Variants in IGDCC3 observed in about 807,000 individuals in gnomAD.
IGDCC3 encodes the protein immunoglobulin superfamily DCC subclass member 3.
A neutral mutation model predicts 72.0 loss-of-function variants in IGDCC3; 47 were observed. The ratio of observed to expected loss-of-function variants is 0.65; its 90% CI spans 0.52 to 0.83. The LOEUF (loss-of-function observed/expected upper bound fraction) is 0.83, where lower values mean the gene tolerates loss of function less well. IGDCC3 is among the 40% of genes least tolerant of loss of function. The pLI is 0.00. For missense variants in IGDCC3, 1,038 were observed against 1,091.3 expected (o/e 0.95, Z 0.69); for synonymous variants, 477 against 472.8 (o/e 1.01, Z -0.11).
chr15:65,355,297 C>T (rs2091207862), intron 2 of IGDCC3, among the ~76,000 whole-genome samples: 1 of 152,182 alleles, frequency 6.6e-6, no homozygotes. Context: ...CTCCACTCCT[C>T]GGAGGTCAGC....
intron 2 of IGDCC3, among the ~76,000 whole-genome samples, chr15:65,352,863 C>G (rs1238977528): frequency 6.6e-6 from 1 of 152,168 alleles, no homozygotes; most frequent in Non-Finnish European, 1.5e-5. Flanking sequence ...CTATGGTACA[C>G]TTATTGTTAA....
intron 2 of IGDCC3, among the ~76,000 whole-genome samples, chr15:65,370,616 ATGTG>A (rs56053228): frequency 6.9e-4 from 75 of 108,054 alleles, no homozygotes; most frequent in African/African-American, 2.9e-3. Flanking sequence ...ATATATATGT[ATGTG>A]TATATATATA....
Position 65,377,637 on chromosome 15 carries a change from T to C in IGDCC3, c.103+49A>G. The C allele has an allele frequency of 1.5e-6, 2 of 1,371,266 alleles. No individual in the cohort carries two copies. Among genetic ancestry groups the C allele is most frequent in the Admixed American group, 2.9e-5 (1 of 34,856 alleles). The allele number at this position is 1,371,266 out of a possible 1,614,324, so 84.9% of individuals were successfully genotyped here. A position where few individuals can be genotyped will look rare whatever the true frequency, so the allele number is the denominator to read the frequency against. ...GCGCCCGCTCCCTCCCTGCTCGCCC[T>C]TCCCCTGGCTCCGTCCGCAACCGCC... On this transcript the variant is annotated intron_variant, in intron 1 of 13. Coordinates refer to ENST00000327987, the MANE Select transcript of IGDCC3 (RefSeq NM_004884.4). This position sits in a 1 kb window ranked among gnomAD's most constrained non-coding sequence, Gnocchi z 4.9.
chr15:65,352,272 T>C (rs2091179556), intron 2 of IGDCC3, among the ~76,000 whole-genome samples: 1 of 152,246 alleles, frequency 6.6e-6, no homozygotes, highest in Non-Finnish European at 1.5e-5. Flanking sequence ...TGTTTCTTTC[T>C]ACCTGATTTC....
intron 2 of IGDCC3, among the ~76,000 whole-genome samples, chr15:65,374,688 T>A (rs1446233380): frequency 6.6e-6 from 1 of 152,232 alleles, no homozygotes; most frequent in African/African-American, 2.4e-5. Context: ...AAAAATTGCA[T>A]GTAGCCGAAA....
In IGDCC3 at chr15:65,328,912, C is replaced by G. The variant is rs1232930367; in HGVS notation, c.2442G>C (p.Gln814His). Residue 814 changes from glutamine to histidine, a missense_variant, in exon 14 of 14, where the codon CAG (glutamine) becomes CAC (histidine). Physicochemically the swap from Gln to His is conservative, Grantham distance 24. Transcript: ENST00000327987. ...TCTGGAGCCTGCCAGACACTGGCTA[C>G]TGTTCCGAGTGAGCTGGCTGGGTAA... ...ARVTQPAHSE[Q>H] The G allele has an allele frequency of 7.8e-6, 12 of 1,531,584 alleles. No individual in the cohort carries two copies. Among genetic ancestry groups the G allele is most frequent in the Non-Finnish European group, 1.0e-5 (12 of 1,143,418 alleles). The allele number at this position is 1,531,584 out of a possible 1,614,324, so 94.9% of individuals were successfully genotyped here.
In IGDCC3 at chr15:65,331,938, T is replaced by C. The variant is rs752918078; in HGVS notation, c.1148+3A>G. Reference sequence around the variant, plus strand: ...CTCACCCCAGCACACACCACACACATACCTGTTGTTATTCTTGAGCCTGAC... The same window carrying C: ...CTCACCCCAGCACACACCACACACACACCTGTTGTTATTCTTGAGCCTGAC... On this transcript the variant is annotated splice_donor_region_variant and intron_variant, in intron 7 of 13. Coordinates refer to ENST00000327987, the MANE Select transcript of IGDCC3 (RefSeq NM_004884.4). The C allele has an allele frequency of 1.9e-6, 3 of 1,612,690 alleles. No individual in the cohort carries two copies. Among genetic ancestry groups the C allele is most frequent in the Non-Finnish European group, 2.5e-6 (3 of 1,179,788 alleles).
chr15:65,331,616 A>G lies in IGDCC3; in HGVS notation c.1192T>C (p.Tyr398His). The change falls in exon 8 of 14, where the codon TAT becomes CAT. Residue 398 changes from tyrosine (Y) to histidine (H), a missense_variant. Transcript: ENST00000327987. ...GCACTGTTCTCGGCCACACACTGAT[A>G]AATGGCTTCATCCTCAGGACCGATT... ...SGIGPEDEAI[Y>H]QCVAENSAGS... 1 of 1,612,812 alleles carries G rather than the reference A, an allele frequency of 6.2e-7. No individual in the cohort carries two copies. Among genetic ancestry groups the G allele is most frequent in the Non-Finnish European group, 8.5e-7 (1 of 1,179,250 alleles).
chr15:65,377,670 G>T lies in IGDCC3; in HGVS notation c.103+16C>A. ...GCTCCGTCCGCAACCGCCCGGTCCG[G>T]GGCGCTTTCACTCACCCTCGCTCGG... On this transcript the variant is annotated intron_variant, in intron 1 of 13. Transcript: ENST00000327987. This position sits in a 1 kb window ranked among gnomAD's most constrained non-coding sequence, Gnocchi z 4.9. 1 of 1,447,104 alleles carries T rather than the reference G, an allele frequency of 6.9e-7. No homozygotes were observed. The highest frequency in any genetic ancestry group is 1.5e-5 in the African/African-American group (1 of 67,988). 89.6% of individuals were successfully genotyped at this position (1,447,104 alleles called of 1,614,324 possible).
intron 6 of IGDCC3, among the ~76,000 whole-genome samples, chr15:65,332,848 G>C (rs944462758): frequency 6.6e-6 from 1 of 152,246 alleles, no homozygotes; most frequent in Non-Finnish European, 1.5e-5. Context: ...CGGCGACAGA[G>C]TGAAAATGAC....
In IGDCC3 at chr15:65,375,278, C is replaced by T. The variant is rs1175388598; in HGVS notation, c.228G>A (p.Arg76=). The T allele has an allele frequency of 1.2e-6, 2 of 1,614,208 alleles. No homozygotes were observed. The highest frequency in any genetic ancestry group is 1.7e-5 in the Admixed American group (1 of 60,030). The stretch of plus-strand genomic sequence containing the variant: ...TCTCTGGCAGCTCTACCCCATTCTT[C>T]CTCCAGGTGATTCGCACTGGAGGGG... ...EGTPPVRITW[R]KNGVELPEST... The change falls in exon 2 of 14, where the codon AGG becomes AGA. Residue 76 remains arginine (R), a synonymous_variant. Coordinates refer to ENST00000327987, the MANE Select transcript of IGDCC3 (RefSeq NM_004884.4).
intron 2 of IGDCC3, among the ~76,000 whole-genome samples, chr15:65,369,511 T>C (rs1319620943): frequency 6.6e-6 from 1 of 152,104 alleles, no homozygotes; most frequent in Non-Finnish European, 1.5e-5. Flanking sequence ...TGGGTACAGG[T>C]GAGGCCCTGA....
At chr15:65,346,186 G>A (rs1304529974) in intron 2 of IGDCC3, among the ~76,000 whole-genome samples, 3 of 152,094 alleles carry the variant, frequency 2.0e-5, no homozygotes, top group Non-Finnish European at 4.4e-5. Context: ...CCCCACTAAT[G>A]GGCACTGTGC....
chr15:65,352,197 G>A (rs1317050300), intron 2 of IGDCC3, among the ~76,000 whole-genome samples: 1 of 152,114 alleles, frequency 6.6e-6, no homozygotes, highest in Non-Finnish European at 1.5e-5. Flanking sequence ...AAATTTTTTT[G>A]AGCTATTTGC....
chr15:65,370,516 A>ATATATATATATATATATATT (rs2091316586), intron 2 of IGDCC3, among the ~76,000 whole-genome samples: 1 of 103,228 alleles, frequency 9.7e-6, no homozygotes, highest in Admixed American at 9.1e-5. Context: ...CAAAAAAAAA[A>ATATATATATATATATATATT]TATATATATA....
At chr15:65,375,539 A>G in intron 1 of IGDCC3, 137 bp from the exon 2 acceptor site, 2 of 674,532 alleles carry the variant, frequency 3.0e-6, no homozygotes, top group Non-Finnish European at 2.5e-6. Context: ...TGTTAATAGG[A>G]ATTCCTATTA....
intron 2 of IGDCC3, chr15:65,355,686 T>G (rs2091214212): frequency 3.2e-6 from 1 of 315,736 alleles, no homozygotes; most frequent in East Asian, 1.6e-4. Context: ...CGCATAGCAA[T>G]AGTGTCCGCG....
intron 2 of IGDCC3, among the ~76,000 whole-genome samples, chr15:65,366,716 C>T (rs750211551): frequency 2.6e-5 from 4 of 152,138 alleles, no homozygotes; most frequent in African/African-American, 7.2e-5. Flanking sequence ...AAGCCCACCC[C>T]GGCCCCTGCA....
At chr15:65,376,618 C>G (rs1020561368) in intron 1 of IGDCC3, among the ~76,000 whole-genome samples, 1 of 151,998 alleles carries the variant, frequency 6.6e-6, no homozygotes, top group African/African-American at 2.4e-5. Context: ...CCCCCCTCCC[C>G]CCGTCCCCGG....
Sources: gnomAD v4.1 joint callset for allele counts (sites outside exome capture counted in the v4.1 genomes callset) on GRCh38, gnomAD v4.1.1 for gene constraint, Gnocchi (gnomAD v3.1) non-coding constraint, MANE v1.5 for transcripts, NCBI Gene and HGNC (gene_info 2026-07-23, HGNC 2026-07-21) for gene names.